GPC5: variants seen among roughly 807,000 people sequenced by gnomAD.
GPC5 encodes the protein glypican-5.
A neutral mutation model predicts 53.9 loss-of-function variants in GPC5; 47 were observed. That is an observed-to-expected ratio of 0.87 (90% CI 0.69 to 1.11). The LOEUF (loss-of-function observed/expected upper bound fraction) is 1.11. GPC5 is among the 50% of genes most tolerant of loss of function. GPC5 has a pLI of 0.00. For missense variants in GPC5, 748 were observed against 713.1 expected (o/e 1.05, Z -0.56); for synonymous variants, 286 against 263.3 (o/e 1.09, Z -0.84).
chr13:92,128,391 G>C (rs1401376055), intron 6 of GPC5, among the ~76,000 whole-genome samples: 1 of 152,130 alleles, frequency 6.6e-6, no homozygotes, highest in African/African-American at 2.4e-5. Flanking sequence ...AGTTACCTTA[G>C]ACCAACTGAC....
At chr13:91,919,342 C>T (rs1180485660) in intron 6 of GPC5, among the ~76,000 whole-genome samples, 1 of 152,202 alleles carries the variant, frequency 6.6e-6, no homozygotes, top group Non-Finnish European at 1.5e-5. Context: ...CATTTCCTCT[C>T]TTACAGTTGT....
chr13:91,926,136 C>T (rs768126752), intron 6 of GPC5, among the ~76,000 whole-genome samples: 7 of 151,822 alleles, frequency 4.6e-5, no homozygotes, highest in African/African-American at 7.3e-5. Context: ...GCGAGGCAGG[C>T]GGATCACGAG....
chr13:92,421,254 G>A (rs1459550279), intron 7 of GPC5, among the ~76,000 whole-genome samples: 3 of 152,136 alleles, frequency 2.0e-5, no homozygotes, highest in African/African-American at 7.2e-5. Flanking sequence ...TGTACCTCTT[G>A]CTCCTCCCAA....
chr13:92,479,362 T>G (rs181035790), intron 7 of GPC5, among the ~76,000 whole-genome samples: 1 of 152,250 alleles, frequency 6.6e-6, no homozygotes, highest in East Asian at 1.9e-4. Context: ...AGCGATAAAC[T>G]TCACTAAACA....
intron 6 of GPC5, among the ~76,000 whole-genome samples, chr13:92,048,461 G>A (rs1399564932): frequency 1.3e-5 from 2 of 152,176 alleles, no homozygotes; most frequent in Non-Finnish European, 2.9e-5. Context: ...TTTATGGTGA[G>A]AACACAGAAA....
chr13:92,574,869 A>G (rs549541334), intron 7 of GPC5, among the ~76,000 whole-genome samples: 1 of 152,290 alleles, frequency 6.6e-6, no homozygotes, highest in African/African-American at 2.4e-5. Flanking sequence ...GAAGGTCAGG[A>G]GTAAAGACAC....
At chr13:92,663,632 A>G (rs1372618126) in intron 7 of GPC5, among the ~76,000 whole-genome samples, 1 of 140,764 alleles carries the variant, frequency 7.1e-6, no homozygotes, top group Non-Finnish European at 1.5e-5. Context: ...TATATACTAT[A>G]TATACACACT....
chr13:92,165,300 C>T (rs1198334883), intron 7 of GPC5, among the ~76,000 whole-genome samples: 1 of 152,150 alleles, frequency 6.6e-6, no homozygotes, highest in Admixed American at 6.5e-5. Context: ...AATTCCAAAT[C>T]ATATCTTTGT....
chr13:92,183,855 CATG>C (rs1242959396), intron 7 of GPC5, among the ~76,000 whole-genome samples: 4 of 151,968 alleles, frequency 2.6e-5, no homozygotes, highest in Admixed American at 6.6e-5. Flanking sequence ...TTTTAAATAA[CATG>C]ATGCATTCTG....
chr13:92,052,981 G>GCTTAAA (rs2041042918), intron 6 of GPC5, among the ~76,000 whole-genome samples: 2 of 152,138 alleles, frequency 1.3e-5, no homozygotes, highest in Non-Finnish European at 2.9e-5. Context: ...GTCTGGAAGA[G>GCTTAAA]GAAACAGAAT....
At position 91,499,146 on chromosome 13, in the gene GPC5, G is replaced by A. The variant is rs534324866; in HGVS notation, c.325+50224G>A. On this transcript the variant is annotated intron_variant, in intron 2 of 7. Coordinates refer to ENST00000377067, the MANE Select transcript of GPC5 (RefSeq NM_004466.6). ...CTGTTAAGCTATAGTCTGTGTGGGAGGAAGAACAAGTCAAAGGTGGCTTTG... is the reference window on the plus strand; with the variant it reads ...CTGTTAAGCTATAGTCTGTGTGGGAAGAAGAACAAGTCAAAGGTGGCTTTG... Among the ~76,000 whole-genome samples the A allele has an allele frequency of 6.6e-5, 10 of 152,216 alleles. No individual in the cohort carries two copies. The East Asian group carries it at 1.9e-3, about 29-fold the overall frequency.
At chr13:91,696,983 A>G (rs952834316) in intron 3 of GPC5, among the ~76,000 whole-genome samples, 1 of 152,150 alleles carries the variant, frequency 6.6e-6, no homozygotes, top group African/African-American at 2.4e-5. Flanking sequence ...TGTTTGCTTC[A>G]GTTTCCTCTT....
chr13:91,761,428 C>T (rs2037409703), intron 5 of GPC5, among the ~76,000 whole-genome samples: 1 of 152,092 alleles, frequency 6.6e-6, no homozygotes, highest in Admixed American at 6.6e-5. Context: ...TCAATTCCAA[C>T]ACTATCTACC....
At chr13:92,512,668 A>G (rs1165514442) in intron 7 of GPC5, among the ~76,000 whole-genome samples, 4 of 152,192 alleles carry the variant, frequency 2.6e-5, no homozygotes, top group Admixed American at 2.0e-4. Flanking sequence ...GTGTTCATTT[A>G]GAAGAGAAGG....
chr13:91,693,654 G>C lies in GPC5; in HGVS notation c.793G>C (p.Ala265Pro). The part of the protein sequence containing the change: ...MQYCPHCQGL[A>P]LTKPCMGYCL... ...ATACTGCCCGCACTGCCAAGGCCTG[G>C]CGCTCACTAAGCCTTGTATGGGATA... The change falls in exon 3 of 8, where the codon GCG (alanine) becomes CCG (proline). Residue 265 changes from alanine (A) to proline (P), a missense_variant. Physicochemically the swap from Ala to Pro is conservative, Grantham distance 27 (BLOSUM62 -1). Transcript: ENST00000377067. The C allele has an allele frequency of 6.2e-7, 1 of 1,614,080 alleles. No homozygotes were observed. Among genetic ancestry groups the C allele is most frequent in the Non-Finnish European group, 8.5e-7 (1 of 1,179,978 alleles).
At chr13:92,674,237 G>T (rs553164012) in intron 7 of GPC5, among the ~76,000 whole-genome samples, 1 of 152,238 alleles carries the variant, frequency 6.6e-6, no homozygotes, top group South Asian at 2.1e-4. Context: ...TTCATCTAAT[G>T]CTTGTAACAA....
At chr13:92,106,786 T>C (rs973003338) in intron 6 of GPC5, among the ~76,000 whole-genome samples, 2 of 152,032 alleles carry the variant, frequency 1.3e-5, no homozygotes, top group Admixed American at 1.3e-4. Context: ...TTTCAGATCT[T>C]CTAGTCTCCA....
intron 7 of GPC5, among the ~76,000 whole-genome samples, chr13:92,232,941 T>G (rs1302290128): frequency 2.0e-5 from 3 of 152,206 alleles, no homozygotes; most frequent in Admixed American, 2.0e-4. Flanking sequence ...AAGAACTTCT[T>G]AGTGTATATG....
intron 4 of GPC5, among the ~76,000 whole-genome samples, chr13:91,747,662 C>T (rs369492071): frequency 4.7e-5 from 7 of 149,470 alleles, no homozygotes; most frequent in African/African-American, 1.2e-4. Flanking sequence ...TCTAATCTAA[C>T]AATCTACTAA....
Sources: allele counts gnomAD v4.1 joint callset (sites outside exome capture counted in the v4.1 genomes callset), GRCh38; gene constraint gnomAD v4.1.1; transcripts MANE v1.5; gene names NCBI Gene and HGNC (gene_info 2026-07-23, HGNC 2026-07-21).